The following CNTNAP2 variants were observed in gnomAD, a reference collection of about 807,000 sequenced individuals.
The protein encoded by CNTNAP2 is contactin associated protein 2.
In CNTNAP2, 98 loss-of-function variants were observed where a neutral mutation model predicts 155.2. The ratio of observed to expected loss-of-function variants is 0.63; its 90% CI spans 0.54 to 0.75. The LOEUF (loss-of-function observed/expected upper bound fraction) is 0.75. CNTNAP2 is among the 30% of genes least tolerant of loss of function. The pLI, the probability that CNTNAP2 is intolerant of heterozygous loss-of-function variation, is 0.00. For missense variants in CNTNAP2, 1,727 were observed against 1,688.1 expected, an observed-to-expected ratio of 1.02 and a Z score of -0.40; for synonymous variants, 651 against 631.2, an observed-to-expected ratio of 1.03 and a Z score of -0.47.
chr7:146,366,532 A>C (rs1356896781), intron 1 of CNTNAP2, among the ~76,000 whole-genome samples: 1 of 152,178 alleles, frequency 6.6e-6, no homozygotes, highest in African/African-American at 2.4e-5. Context: ...TCAAAAAAAA[A>C]ATCCTGCACA....
At chr7:146,421,270 T>C (rs1489420792) in intron 1 of CNTNAP2, among the ~76,000 whole-genome samples, 1 of 152,052 alleles carries the variant, frequency 6.6e-6, no homozygotes, top group Non-Finnish European at 1.5e-5. Context: ...ATTGAACTAT[T>C]ACTATAGCAT....
chr7:146,914,303 T>C (rs988728772), intron 3 of CNTNAP2, among the ~76,000 whole-genome samples: 1 of 151,928 alleles, frequency 6.6e-6, no homozygotes, highest in Non-Finnish European at 1.5e-5. Context: ...TCCCTCTGGG[T>C]AGGTACCCAG....
At chr7:148,332,438 G>T (rs1046980661) in intron 21 of CNTNAP2, among the ~76,000 whole-genome samples, 1 of 152,140 alleles carries the variant, frequency 6.6e-6, no homozygotes, top group Non-Finnish European at 1.5e-5. Context: ...AAGGATCTTG[G>T]GCTTGGCAAG....
chr7:147,953,461 C>T (rs577381335), intron 14 of CNTNAP2, among the ~76,000 whole-genome samples: 13 of 152,258 alleles, frequency 8.5e-5, no homozygotes, highest in African/African-American at 2.9e-4. Context: ...GTGCAGCAGA[C>T]CACCATGGCA....
At chr7:146,367,495 T>C (rs184384530) in intron 1 of CNTNAP2, among the ~76,000 whole-genome samples, 1 of 152,272 alleles carries the variant, frequency 6.6e-6, no homozygotes, top group East Asian at 1.9e-4. Flanking sequence ...GGAAGACAGA[T>C]TGAAAGGAAA....
chr7:147,515,812 C>G (rs935236416), intron 11 of CNTNAP2, among the ~76,000 whole-genome samples: 1 of 152,096 alleles, frequency 6.6e-6, no homozygotes, highest in African/African-American at 2.4e-5. Context: ...TAACTACATT[C>G]ATTTATTTGT....
chr7:147,824,718 C>T (rs1798420894), intron 13 of CNTNAP2, among the ~76,000 whole-genome samples: 1 of 142,280 alleles, frequency 7.0e-6, no homozygotes, highest in Non-Finnish European at 1.6e-5. Context: ...AAAAAACCCT[C>T]TTTTACCAGC....
chr7:147,054,721 TAATAA>T (rs1435305615), intron 4 of CNTNAP2, among the ~76,000 whole-genome samples: 4 of 152,156 alleles, frequency 2.6e-5, no homozygotes, highest in Non-Finnish European at 5.9e-5. Context: ...AGTAACAACA[TAATAA>T]AATAATTATT....
At chr7:146,671,118 A>T (rs1206733615) in intron 1 of CNTNAP2, among the ~76,000 whole-genome samples, 2 of 152,284 alleles carry the variant, frequency 1.3e-5, no homozygotes, top group East Asian at 1.9e-4. Context: ...AAATGTCTTC[A>T]TTACATTAAG....
At chr7:147,445,502 G>A (rs1584952328) in intron 10 of CNTNAP2, among the ~76,000 whole-genome samples, 1 of 151,826 alleles carries the variant, frequency 6.6e-6, no homozygotes, top group South Asian at 2.1e-4. Flanking sequence ...CAGTTTCCTT[G>A]TTGGTTGTTG....
chr7:146,668,668 A>G (rs774837454), intron 1 of CNTNAP2, among the ~76,000 whole-genome samples: 1 of 152,084 alleles, frequency 6.6e-6, no homozygotes, highest in Non-Finnish European at 1.5e-5. Flanking sequence ...TACTGATTCA[A>G]TCATGTTACT....
At chr7:146,591,065 A>C (rs1798775425) in intron 1 of CNTNAP2, among the ~76,000 whole-genome samples, 1 of 152,110 alleles carries the variant, frequency 6.6e-6, no homozygotes, top group Non-Finnish European at 1.5e-5. Flanking sequence ...GGTGTGGCTG[A>C]GATAGTGATG....
chr7:148,148,483 G>A (rs1805237444), intron 17 of CNTNAP2, among the ~76,000 whole-genome samples: 1 of 152,204 alleles, frequency 6.6e-6, no homozygotes, highest in African/African-American at 2.4e-5. Flanking sequence ...GAGTTTGAAG[G>A]ACTTTGTGGA....
In CNTNAP2 at chr7:148,101,505, G is replaced by C. The variant is rs186632226; in HGVS notation, c.2384-16613G>C. ...AAATGCACTTGAAATTTATTCCCCT[G>C]CATCTGTAGGTAAATGTCCTTCTGT... On this transcript the variant is annotated intron_variant, in intron 15 of 23. Coordinates refer to ENST00000361727, the MANE Select transcript of CNTNAP2 (RefSeq NM_014141.6). 2.8e-4 allele frequency among the ~76,000 whole-genome samples: 42 copies of C among 152,080 alleles called. 1 individual carries two copies. Among genetic ancestry groups the C allele is most frequent in the African/African-American group, 9.4e-4 (39 of 41,504 alleles).
intron 13 of CNTNAP2, among the ~76,000 whole-genome samples, chr7:147,695,669 G>T (rs141759700): frequency 0.016 from 2,509 of 152,160 alleles, 223 homozygotes; most frequent in Admixed American, 0.15. Context: ...AGGCTTGGTG[G>T]TGCATGCCTG....
chr7:147,532,937 A>G (rs1176096632), intron 11 of CNTNAP2, among the ~76,000 whole-genome samples: 1 of 152,208 alleles, frequency 6.6e-6, no homozygotes, highest in Non-Finnish European at 1.5e-5. Context: ...TTGGGCAGGG[A>G]CACAGCCAAA....
intron 1 of CNTNAP2, among the ~76,000 whole-genome samples, chr7:146,227,182 T>C (rs1046930345): frequency 1.6e-4 from 25 of 152,114 alleles, no homozygotes; most frequent in Admixed American, 1.5e-3. Flanking sequence ...TCCCAGCTCT[T>C]TGGGAGGCCA....
chr7:147,988,789 A>G (rs1272006528), intron 15 of CNTNAP2, among the ~76,000 whole-genome samples: 3 of 152,102 alleles, frequency 2.0e-5, no homozygotes, highest in African/African-American at 7.2e-5. Context: ...TCTCTGACCA[A>G]TCTCTCACCA....
At chr7:146,968,012 A>G (rs1448294170) in intron 3 of CNTNAP2, among the ~76,000 whole-genome samples, 2 of 141,740 alleles carry the variant, frequency 1.4e-5, no homozygotes, top group East Asian at 1.9e-4. Context: ...GAGAGTTTTT[A>G]GCATGAAGCG....
Sources: allele counts gnomAD v4.1 joint callset (sites outside exome capture counted in the v4.1 genomes callset), GRCh38; gene constraint gnomAD v4.1.1; transcripts MANE v1.5; gene names NCBI Gene and HGNC (gene_info 2026-07-23, HGNC 2026-07-21).